NR0B2: variants seen among roughly 807,000 people sequenced by gnomAD.
The protein encoded by NR0B2 is nuclear receptor subfamily 0 group B member 2, also known as nuclear receptor SHP.
A neutral mutation model predicts 18.9 loss-of-function variants in NR0B2; 17 were observed. The ratio of observed to expected loss-of-function variants is 0.90; its 90% CI spans 0.62 to 1.35. The LOEUF is 1.35. Ranked by LOEUF, NR0B2 falls within the 40% of genes most tolerant of loss-of-function variation. NR0B2 has a pLI of 0.00. For synonymous variants in NR0B2, 116 were observed against 138.5 expected (o/e 0.84, Z 1.14); for missense variants, 312 against 333.3 (o/e 0.94, Z 0.50).
rs1208962341 is a variant in NR0B2 at position 26,911,525 on chromosome 1, A to G, written c.*320T>C. The stretch of plus-strand genomic sequence containing the variant: ...CTTTTATTACAAAAATCAATAACTT[A>G]ATTCAGTTCTGTATAAAGTCGATAG... On this transcript the variant is annotated 3_prime_UTR_variant, in exon 2 of 2. Transcript: ENST00000254227. The G allele has an allele frequency of 2.6e-6, 1 of 380,236 alleles. No homozygotes were observed. The highest frequency in any genetic ancestry group is 5.0e-6 in the Non-Finnish European group (1 of 198,774). 23.6% of individuals were successfully genotyped at this position (380,236 alleles called of 1,614,324 possible). A position where few individuals can be genotyped will look rare whatever the true frequency, so the allele number is the denominator to read the frequency against.
Position 26,913,591 on chromosome 1 carries a change from A to G in NR0B2, c.350T>C (p.Ile117Thr), listed in dbSNP as rs147881053. The G allele has an allele frequency of 1.4e-5, 23 of 1,613,960 alleles. No individual in the cohort carries two copies. Among genetic ancestry groups the G allele is most frequent in the Non-Finnish European group, 1.9e-5 (23 of 1,180,014 alleles). Residue 117 changes from isoleucine (I) to threonine (T), a missense_variant, in exon 1 of 2, where the codon ATA (isoleucine) becomes ACA (threonine). Coordinates refer to ENST00000254227, the MANE Select transcript of NR0B2 (RefSeq NM_021969.3). ...FEVAEAPVPS[I>T]LKKILLEEPS... ...CTCCTCCAGCAGAATCTTCTTGAGT[A>G]TGCTGGGCACCGGGGCCTCAGCCAC...
rs994819968 is a variant in NR0B2, at chr1:26,911,730, T to G, written c.*115A>C. 5 of 1,229,252 alleles carry G rather than the reference T, an allele frequency of 4.1e-6. No homozygotes were observed. Among genetic ancestry groups the G allele is most frequent in the Admixed American group, 1.9e-5 (1 of 53,146 alleles). 76.1% of individuals were successfully genotyped at this position (1,229,252 alleles called of 1,614,324 possible). ...GAAGAGCTGTTCCTAAGGAGCCAAG[T>G]GCTGTCTATACAGGCTTGCCCCCTC... On this transcript the variant is annotated 3_prime_UTR_variant, in exon 2 of 2. Transcript: ENST00000254227.
intron 1 of NR0B2, 135 bp from the exon 2 acceptor site, chr1:26,912,221 C>A: frequency 2.2e-6 from 2 of 925,206 alleles, no homozygotes; most frequent in Admixed American, 2.7e-5. Context: ...CCCACTACTA[C>A]CTCCTCCTTT....
chr1:26,913,195 GA>G (rs2082038525), intron 1 of NR0B2, among the ~76,000 whole-genome samples: 1 of 152,074 alleles, frequency 6.6e-6, no homozygotes, highest in Non-Finnish European at 1.5e-5. Flanking sequence ...CTGAGGCAGA[GA>G]AAATTGCTTG....
Position 26,913,887 on chromosome 1 carries a change from G to A in NR0B2, c.54C>T (p.Pro18=), listed in dbSNP as rs780830830. 13 of 1,487,868 alleles carry A rather than the reference G, an allele frequency of 8.7e-6. No individual in the cohort carries two copies. Among genetic ancestry groups the A allele is most frequent in the Admixed American group, 7.0e-5 (3 of 43,146 alleles). The allele number at this position is 1,487,868 out of a possible 1,614,324, so 92.2% of individuals were successfully genotyped here. The change falls in exon 1 of 2, where the codon CCC becomes CCT. Residue 18 remains proline (P), a synonymous_variant. Coordinates refer to ENST00000254227, the MANE Select transcript of NR0B2 (RefSeq NM_021969.3). Reference sequence around the variant, plus strand: ...AGCTCAGAAGTGCGTAGAGAATGGCGGGGCGGCTTGCAGCTCCCTGGCATG... The same window carrying A: ...AGCTCAGAAGTGCGTAGAGAATGGCAGGGCGGCTTGCAGCTCCCTGGCATG... ...ACPCQGAASR[P]AILYALLSSS...
chr1:26,913,241 C>T (rs988868139), intron 1 of NR0B2, among the ~76,000 whole-genome samples, 168 bp downstream of exon 1: 1 of 152,044 alleles, frequency 6.6e-6, no homozygotes, highest in Non-Finnish European at 1.5e-5. Flanking sequence ...GAGCCAAGAT[C>T]GCACCACTGC....
Position 26,913,602 on chromosome 1 carries a change from C to G in NR0B2, c.339G>C (p.Pro113=), listed in dbSNP as rs143133224. The part of the protein sequence containing the change: ...DAVTFEVAEA[P]VPSILKKILL... ...GAATCTTCTTGAGTATGCTGGGCAC[C>G]GGGGCCTCAGCCACCTCAAAGGTCA... Residue 113 remains proline (P), a synonymous_variant, in exon 1 of 2, where the codon CCG becomes CCC. Transcript: ENST00000254227. The G allele has an allele frequency of 3.1e-6, 5 of 1,614,060 alleles. No homozygotes were observed. In the South Asian group the frequency reaches 5.5e-5, roughly 18 times the overall value.
Position 26,913,420 on chromosome 1 carries a change from A to T in NR0B2, c.521T>A (p.Leu174His), listed in dbSNP as rs748595153. 5.6e-6 allele frequency: 9 copies of T among 1,614,076 alleles called. No individual in the cohort carries two copies. The highest frequency in any genetic ancestry group is 7.6e-6 in the Non-Finnish European group (9 of 1,179,988). The change falls in exon 1 of 2, where the codon CTC (leucine) becomes CAC (histidine). Residue 174 changes from leucine (L) to histidine (H), a missense_variant. Coordinates refer to ENST00000254227, the MANE Select transcript of NR0B2 (RefSeq NM_021969.3). ...GTCTGGGAGCTCACCGGGGTTGAAG[A>T]GGATGGTCCCTTTCAGGCAGGCATA... is the stretch of plus-strand genomic sequence containing the variant. ...KEYACLKGTI[L>H]FNPDVPGLQA... is the part of the protein sequence containing the mutation.
In NR0B2 at chr1:26,912,047, A is replaced by T; in HGVS notation, c.572T>A (p.Leu191Gln). ...GLQAASHIGH[L>Q]QQEAHWVLCE... ...CAGCACCCAGTGAGCCTCCTGCTGC[A>T]GGTGCCCAATGTGGGAGGCGGCTTG... is the stretch of plus-strand genomic sequence containing the variant. Residue 191 changes from leucine (L) to glutamine (Q), a missense_variant, in exon 2 of 2, where the codon CTG becomes CAG. Transcript: ENST00000254227. 6.2e-7 allele frequency: 1 copy of T among 1,614,112 alleles called. No individual in the cohort carries two copies. The highest frequency in any genetic ancestry group is 8.5e-7 in the Non-Finnish European group (1 of 1,180,020).
In NR0B2 at chr1:26,913,833, A is replaced by G. The variant is rs1454170385; in HGVS notation, c.108T>C (p.Arg36=). 6.6e-6 allele frequency: 10 copies of G among 1,509,510 alleles called. No individual in the cohort carries two copies. The highest frequency in any genetic ancestry group is 4.1e-5 in the South Asian group (3 of 73,722). 93.5% of individuals were successfully genotyped at this position (1,509,510 alleles called of 1,614,324 possible). A position where few individuals can be genotyped will look rare whatever the true frequency, so the allele number is the denominator to read the frequency against. Residue 36 remains arginine, a synonymous_variant, in exon 1 of 2, where the codon CGT becomes CGC. Coordinates refer to ENST00000254227, the MANE Select transcript of NR0B2 (RefSeq NM_021969.3). The part of the protein sequence containing the change: ...SSSLKAVPRP[R]SRCLCRQHRP... ...GGTGCTGCCTACATAGGCAGCGGCTACGGGGTCGGGGGACAGCCTTGAGGC... is the reference window on the plus strand; with the variant it reads ...GGTGCTGCCTACATAGGCAGCGGCTGCGGGGTCGGGGGACAGCCTTGAGGC...
rs766561375 is a variant in NR0B2, at chr1:26,913,834, C to T, written c.107G>A (p.Arg36His). ...SSSLKAVPRP[R>H]SRCLCRQHRP... ...GTGCTGCCTACATAGGCAGCGGCTA[C>T]GGGGTCGGGGGACAGCCTTGAGGCT... The change falls in exon 1 of 2, where the codon CGT (arginine) becomes CAT (histidine). Residue 36 changes from arginine (R) to histidine (H), a missense_variant. By Grantham distance (29) the Arg-to-His change is conservative (BLOSUM62 0). Transcript: ENST00000254227. 76 of 1,507,700 alleles carry T rather than the reference C, an allele frequency of 5.0e-5. No homozygotes were observed. The highest frequency in any genetic ancestry group is 5.9e-5 in the Non-Finnish European group (66 of 1,127,016). 93.4% of individuals were successfully genotyped at this position (1,507,700 alleles called of 1,614,324 possible).
chr1:26,913,874 C>A lies in NR0B2; in HGVS notation c.67G>T (p.Ala23Ser). The change falls in exon 1 of 2, where the codon GCA becomes TCA. Residue 23 changes from alanine to serine, a missense_variant. Transcript: ENST00000254227. The part of the protein sequence containing the change: ...GAASRPAILY[A>S]LLSSSLKAVP... ...GCCTTGAGGCTGGAGCTCAGAAGTG[C>A]GTAGAGAATGGCGGGGCGGCTTGCA... The A allele has an allele frequency of 6.7e-7, 1 of 1,494,662 alleles. No individual in the cohort carries two copies. 92.6% of individuals were successfully genotyped at this position (1,494,662 alleles called of 1,614,324 possible). A position where few individuals can be genotyped will look rare whatever the true frequency, so the allele number is the denominator to read the frequency against.
Position 26,911,748 on chromosome 1 carries a change from G to T in NR0B2, c.*97C>A, listed in dbSNP as rs1055258586. Reference sequence around the variant, plus strand: ...AGCCAAGTGCTGTCTATACAGGCTTGCCCCCTCCAGGAGCATTGGGTCACC... The same window carrying T: ...AGCCAAGTGCTGTCTATACAGGCTTTCCCCCTCCAGGAGCATTGGGTCACC... On this transcript the variant is annotated 3_prime_UTR_variant, in exon 2 of 2. Transcript: ENST00000254227. 1.6e-4 allele frequency: 234 copies of T among 1,438,756 alleles called. No individual in the cohort carries two copies. Among genetic ancestry groups the T allele is most frequent in the East Asian group, 1.1e-3 (49 of 42,622 alleles). The allele number at this position is 1,438,756 out of a possible 1,614,324, so 89.1% of individuals were successfully genotyped here.
chr1:26,911,903 G>A lies in NR0B2; in HGVS notation c.716C>T (p.Pro239Leu), dbSNP rs752928115. The A allele has an allele frequency of 1.2e-6, 2 of 1,614,154 alleles. No individual in the cohort carries two copies. The highest frequency in any genetic ancestry group is 1.7e-6 in the Non-Finnish European group (2 of 1,179,980). ...AGCGATGTCAACATCTCCAATGATA[G>A]GGCGAAAGAAGAGGTCCCCAAGCAG... ...TSLLGDLFFR[P>L]IIGDVDIAGL... is the part of the protein sequence containing the mutation. Residue 239 changes from proline to leucine, a missense_variant, in exon 2 of 2, where the codon CCT becomes CTT. By Grantham distance (98) the Pro-to-Leu change is moderately conservative. Coordinates refer to ENST00000254227, the MANE Select transcript of NR0B2 (RefSeq NM_021969.3).
At position 26,912,090 on chromosome 1, in the gene NR0B2, T is replaced by C. The variant is rs1336883935; in HGVS notation, c.533-4A>G. The C allele has an allele frequency of 3.1e-6, 5 of 1,613,230 alleles. No individual in the cohort carries two copies. The African/African-American group carries it at 6.7e-5, about 22-fold the overall frequency. Reference sequence around the variant, plus strand: ...GCGGCTTGGAGGCCTGGCACATCTGTGGGCAGAGAGGGAGAAGAGGGCTGG... The same window carrying C: ...GCGGCTTGGAGGCCTGGCACATCTGCGGGCAGAGAGGGAGAAGAGGGCTGG... On this transcript the variant is annotated splice_region_variant and splice_polypyrimidine_tract_variant and intron_variant, in intron 1 of 1. Coordinates refer to ENST00000254227, the MANE Select transcript of NR0B2 (RefSeq NM_021969.3).
At position 26,911,503 on chromosome 1, in the gene NR0B2, T is replaced by C; in HGVS notation, c.*342A>G. On this transcript the variant is annotated 3_prime_UTR_variant, in exon 2 of 2. Coordinates refer to ENST00000254227, the MANE Select transcript of NR0B2 (RefSeq NM_021969.3). The stretch of plus-strand genomic sequence containing the variant: ...TCAGGCTCCAAGTGTTTCATACCTT[T>C]TATTACAAAAATCAATAACTTAATT... 1 of 354,480 alleles carries C rather than the reference T, an allele frequency of 2.8e-6. No homozygotes were observed. The highest frequency in any genetic ancestry group is 5.5e-6 in the Non-Finnish European group (1 of 182,236). The allele number at this position is 354,480 out of a possible 1,614,324, so 22.0% of individuals were successfully genotyped here. A position where few individuals can be genotyped will look rare whatever the true frequency, so the allele number is the denominator to read the frequency against.
Position 26,913,444 on chromosome 1 carries a change from T to C in NR0B2, c.497A>G (p.Tyr166Cys). The change falls in exon 1 of 2, where the codon TAT (tyrosine) becomes TGT (cysteine). Residue 166 changes from tyrosine (Y) to cysteine (C), a missense_variant. Physicochemically the swap from Tyr to Cys is radical, Grantham distance 194. Transcript: ENST00000254227. ...GAGGATGGTCCCTTTCAGGCAGGCA[T>C]ATTCCTTGGGGCTAAGCTCCAGGCT... ...FWSLELSPKE[Y>C]ACLKGTILFN... 1 of 1,614,058 alleles carries C rather than the reference T, an allele frequency of 6.2e-7. No homozygotes were observed. Among genetic ancestry groups the C allele is most frequent in the African/African-American group, 1.3e-5 (1 of 75,004 alleles).
chr1:26,913,700 G>C lies in NR0B2; in HGVS notation c.241C>G (p.Pro81Ala). 6.2e-7 allele frequency: 1 copy of C among 1,610,764 alleles called. No individual in the cohort carries two copies. Among genetic ancestry groups the C allele is most frequent in the Non-Finnish European group, 8.5e-7 (1 of 1,177,698 alleles). ...RNLPSFWQLP[P>A]QDQRRLLQGC... is the part of the protein sequence containing the mutation. The stretch of plus-strand genomic sequence containing the variant: ...TGCAGCAGCCGCCGCTGGTCCTGGG[G>C]AGGCAGCTGCCAGAAGGATGGCAGG... Residue 81 changes from proline (P) to alanine (A), a missense_variant, in exon 1 of 2, where the codon CCC (proline) becomes GCC (alanine). Physicochemically the swap from Pro to Ala is conservative, Grantham distance 27. Coordinates refer to ENST00000254227, the MANE Select transcript of NR0B2 (RefSeq NM_021969.3).
chr1:26,913,719 TG>T lies in NR0B2; in HGVS notation c.221del (p.Pro74HisfsTer32). On this transcript the variant is annotated frameshift_variant, in exon 1 of 2. Coordinates refer to ENST00000254227, the MANE Select transcript of NR0B2 (RefSeq NM_021969.3). LOFTEE classifies it high-confidence loss of function. ...AKTVAFLRNL[P>X]SFWQLPPQDQ... ...CCTGGGGAGGCAGCTGCCAGAAGGATGGCAGGTTCCTGAGGAAGGCCACTGT... is the reference window on the plus strand; with the variant it reads ...CCTGGGGAGGCAGCTGCCAGAAGGATGCAGGTTCCTGAGGAAGGCCACTGT... 1 of 1,608,214 alleles carries T rather than the reference TG, an allele frequency of 6.2e-7. No individual in the cohort carries two copies. The highest frequency in any genetic ancestry group is 8.5e-7 in the Non-Finnish European group (1 of 1,176,006).
Sources: gnomAD v4.1 joint callset for allele counts (sites outside exome capture counted in the v4.1 genomes callset) on GRCh38, gnomAD v4.1.1 for gene constraint, MANE v1.5 for transcripts, NCBI Gene and HGNC (gene_info 2026-07-23, HGNC 2026-07-21) for gene names.